Variants in COL8A1 observed in about 807,000 individuals in gnomAD.
COL8A1 encodes collagen type VIII alpha 1 chain.
In COL8A1, 21 loss-of-function variants were observed where a neutral mutation model predicts 42.7. The ratio of observed to expected loss-of-function variants is 0.49; its 90% CI spans 0.35 to 0.71. The LOEUF is 0.71. Ranked by LOEUF, COL8A1 falls within the 30% of genes least tolerant of loss-of-function variation. The pLI is 0.01. For synonymous variants in COL8A1, 367 were observed against 369.1 expected (o/e 0.99, Z 0.06); for missense variants, 788 against 962.4 (o/e 0.82, Z 2.40).
intron 1 of COL8A1, among the ~76,000 whole-genome samples, chr3:99,657,075 A>G (rs1351858658): frequency 6.6e-6 from 1 of 152,228 alleles, no homozygotes; most frequent in Non-Finnish European, 1.5e-5. Context: ...CTTTTAGGAC[A>G]AATAGGAAAA....
intron 1 of COL8A1, among the ~76,000 whole-genome samples, chr3:99,665,973 G>A (rs990875910): frequency 2.0e-5 from 3 of 151,892 alleles, no homozygotes; most frequent in Non-Finnish European, 4.4e-5. Context: ...TTACAGGTGT[G>A]AGCCACCACG....
chr3:99,782,741 T>G (rs1252766387), intron 2 of COL8A1, among the ~76,000 whole-genome samples: 2 of 152,134 alleles, frequency 1.3e-5, no homozygotes, highest in Non-Finnish European at 2.9e-5. Context: ...CATTCACAAT[T>G]ACAAAAAACT....
At chr3:99,789,311 T>C (rs1941952965) in intron 2 of COL8A1, among the ~76,000 whole-genome samples, 1 of 152,144 alleles carries the variant, frequency 6.6e-6, no homozygotes, top group Non-Finnish European at 1.5e-5. Flanking sequence ...ATTGAATTAT[T>C]TACAGACAGA....
At chr3:99,682,403 G>A (rs1938913182) in intron 1 of COL8A1, among the ~76,000 whole-genome samples, 1 of 152,086 alleles carries the variant, frequency 6.6e-6, no homozygotes, top group Non-Finnish European at 1.5e-5. Context: ...GGATGACAGA[G>A]CAAGGCCCTG....
At chr3:99,756,855 T>C (rs1297141835) in intron 2 of COL8A1, among the ~76,000 whole-genome samples, 1 of 152,134 alleles carries the variant, frequency 6.6e-6, no homozygotes, top group Non-Finnish European at 1.5e-5. Flanking sequence ...ATGTAAACAG[T>C]AGTGTAAAGA....
At chr3:99,748,713 T>C (rs1041621074) in intron 2 of COL8A1, among the ~76,000 whole-genome samples, 2 of 152,160 alleles carry the variant, frequency 1.3e-5, no homozygotes, top group Admixed American at 6.5e-5. Context: ...ACAAATTCCC[T>C]AAGATGCTGT....
At chr3:99,693,171 A>G (rs1939271968) in intron 1 of COL8A1, among the ~76,000 whole-genome samples, 1 of 152,208 alleles carries the variant, frequency 6.6e-6, no homozygotes, top group African/African-American at 2.4e-5. Flanking sequence ...CCTGGGCGAC[A>G]GAGCGAGACT....
intron 2 of COL8A1, among the ~76,000 whole-genome samples, chr3:99,773,684 C>T (rs1021932270): frequency 1.2e-4 from 18 of 150,176 alleles, no homozygotes; most frequent in African/African-American, 3.2e-4. Context: ...CTCAGGATCA[C>T]GCATAGCTTA....
intron 1 of COL8A1, among the ~76,000 whole-genome samples, chr3:99,704,291 G>A (rs750596026): frequency 1.2e-3 from 185 of 152,118 alleles, no homozygotes; most frequent in Non-Finnish European, 2.1e-3. Context: ...AGCTCAAAGA[G>A]AATCTATTTA....
chr3:99,772,586 C>T (rs2107439300), intron 2 of COL8A1, among the ~76,000 whole-genome samples: 1 of 152,254 alleles, frequency 6.6e-6, no homozygotes, highest in African/African-American at 2.4e-5. Context: ...TGTACTCTCC[C>T]ATATATTCCT....
intron 1 of COL8A1, among the ~76,000 whole-genome samples, chr3:99,669,146 TAGAGGGAG>T (rs1164283295): frequency 3.5e-5 from 4 of 115,364 alleles, no homozygotes; most frequent in East Asian, 3.1e-4. Flanking sequence ...TATATATATA[TAGAGGGAG>T]AGAGAGAGAG....
At chr3:99,702,664 T>C (rs889355686) in intron 1 of COL8A1, among the ~76,000 whole-genome samples, 4 of 152,228 alleles carry the variant, frequency 2.6e-5, no homozygotes, top group African/African-American at 9.6e-5. Flanking sequence ...TATCAATTCA[T>C]TCATTTATCC....
chr3:99,722,722 T>C (rs1940191050), intron 1 of COL8A1, among the ~76,000 whole-genome samples: 1 of 152,132 alleles, frequency 6.6e-6, no homozygotes, highest in Non-Finnish European at 1.5e-5. Context: ...CATCATGATA[T>C]CTAGAGGTAA....
At chr3:99,789,178 A>G (rs1296575900) in intron 2 of COL8A1, among the ~76,000 whole-genome samples, 1 of 152,106 alleles carries the variant, frequency 6.6e-6, no homozygotes, top group Admixed American at 6.6e-5. Context: ...GCCTGTATAC[A>G]CTCTTGGCAT....
intron 1 of COL8A1, among the ~76,000 whole-genome samples, chr3:99,675,954 T>C (rs913896694): frequency 1.3e-5 from 2 of 152,074 alleles, no homozygotes; most frequent in Non-Finnish European, 2.9e-5. Context: ...GTGAAATGTC[T>C]TGGCGAACTT....
At chr3:99,667,372 C>G (rs1938397753) in intron 1 of COL8A1, among the ~76,000 whole-genome samples, 1 of 152,154 alleles carries the variant, frequency 6.6e-6, no homozygotes, top group Admixed American at 6.5e-5. Flanking sequence ...AAAGAAATAT[C>G]AGGAAGATTT....
At chr3:99,723,896 C>A (rs1576448438) in intron 1 of COL8A1, among the ~76,000 whole-genome samples, 1 of 152,256 alleles carries the variant, frequency 6.6e-6, no homozygotes, top group East Asian at 1.9e-4. Flanking sequence ...TCATTTCCAA[C>A]CCACAAACAG....
chr3:99,671,199 G>A (rs570076421), intron 1 of COL8A1, among the ~76,000 whole-genome samples: 1 of 152,142 alleles, frequency 6.6e-6, no homozygotes, highest in South Asian at 2.1e-4. Context: ...CAAGTAACAA[G>A]TAAGTTTATG....
intron 2 of COL8A1, among the ~76,000 whole-genome samples, chr3:99,779,221 T>G (rs941128316): frequency 6.6e-6 from 1 of 152,102 alleles, no homozygotes; most frequent in Admixed American, 6.6e-5. Flanking sequence ...TATGTAGAGG[T>G]CTATGGGTAA....
Sources: allele counts gnomAD v4.1 joint callset (sites outside exome capture counted in the v4.1 genomes callset), GRCh38; gene constraint gnomAD v4.1.1; transcripts MANE v1.5; gene names NCBI Gene and HGNC (gene_info 2026-07-23, HGNC 2026-07-21).